The following SORCS3 variants were observed in gnomAD, a reference collection of about 807,000 sequenced individuals.
The protein encoded by SORCS3 is VPS10 domain-containing receptor SorCS3.
Under a neutral mutation model 146.3 loss-of-function variants are expected in SORCS3, and 57 were observed. That is an observed-to-expected ratio of 0.39 (90% confidence interval 0.31 to 0.49). SORCS3 has a LOEUF of 0.49. Ranked by LOEUF, SORCS3 falls within the 20% of genes least tolerant of loss-of-function variation. The pLI is 0.92. For synonymous variants in SORCS3, 653 were observed against 618.5 expected, an observed-to-expected ratio of 1.06 and a Z score of -0.83; for missense variants, 1,341 against 1,575.5, an observed-to-expected ratio of 0.85 and a Z score of 2.52.
At chr10:104,753,424 A>G (rs1466653) in intron 1 of SORCS3, among the ~76,000 whole-genome samples, 123,076 of 152,182 alleles carry the variant, frequency 0.81, 50,188 homozygotes, top group East Asian at 0.94. Flanking sequence ...GAGAATGAAT[A>G]CACTAAAGAC....
intron 17 of SORCS3, among the ~76,000 whole-genome samples, chr10:105,213,782 G>C (rs573532489): frequency 6.6e-6 from 1 of 152,224 alleles, no homozygotes; most frequent in East Asian, 1.9e-4. Context: ...TACATAGTGG[G>C]ATAGTGAGAT....
intron 3 of SORCS3, among the ~76,000 whole-genome samples, chr10:104,949,548 C>A (rs2019407250): frequency 6.6e-6 from 1 of 152,170 alleles, no homozygotes; most frequent in Admixed American, 6.5e-5. Flanking sequence ...CTCTTTGGAA[C>A]CCCTTGTAGC....
Position 105,147,754 on chromosome 10 carries a change from C to G in SORCS3, c.1440C>G (p.Ser480Arg). 6.2e-7 allele frequency: 1 copy of G among 1,612,958 alleles called. No individual in the cohort carries two copies. Among genetic ancestry groups the G allele is most frequent in the Non-Finnish European group, 8.5e-7 (1 of 1,179,238 alleles). ...CTCTGGCCATGGAGAACATCAAGAGCAGCAGAGGTCTAATGGGGAACATCA... is the reference window on the plus strand; with the variant it reads ...CTCTGGCCATGGAGAACATCAAGAGGAGCAGAGGTCTAATGGGGAACATCA... ...YFTLAMENIKSSRGLMGNIII... is the reference protein window; with the variant it reads ...YFTLAMENIKRSRGLMGNIII... Residue 480 changes from serine (S) to arginine (R), a missense_variant, in exon 9 of 27, where the codon AGC becomes AGG. Coordinates refer to ENST00000369701, the MANE Select transcript of SORCS3 (RefSeq NM_014978.3).
chr10:105,048,459 C>T (rs1034321133), intron 5 of SORCS3, among the ~76,000 whole-genome samples: 3 of 149,290 alleles, frequency 2.0e-5, no homozygotes, highest in Non-Finnish European at 4.4e-5. Context: ...ACCGCATGTT[C>T]TCACTCACAG....
chr10:105,133,461 G>A (rs1440420140), intron 7 of SORCS3, among the ~76,000 whole-genome samples: 1 of 152,170 alleles, frequency 6.6e-6, no homozygotes, highest in Non-Finnish European at 1.5e-5. Flanking sequence ...AGATGTAGGC[G>A]AGGGTTAGAA....
At chr10:104,953,190 G>T (rs2019451641) in intron 3 of SORCS3, among the ~76,000 whole-genome samples, 1 of 152,208 alleles carries the variant, frequency 6.6e-6, no homozygotes, top group African/African-American at 2.4e-5. Context: ...TTCTTCTGCA[G>T]TGTTTAACTT....
chr10:104,691,865 T>A (rs533928151), intron 1 of SORCS3, among the ~76,000 whole-genome samples: 102 of 152,254 alleles, frequency 6.7e-4, no homozygotes, highest in Admixed American at 2.4e-3. Context: ...CTCAGCCTCC[T>A]AAGTAGCTAG....
chr10:104,745,239 C>G (rs910706698), intron 1 of SORCS3, among the ~76,000 whole-genome samples: 3 of 152,086 alleles, frequency 2.0e-5, no homozygotes, highest in Non-Finnish European at 4.4e-5. Context: ...TGTGGTTTTC[C>G]TTTCTTAATC....
intron 14 of SORCS3, among the ~76,000 whole-genome samples, chr10:105,198,353 T>A (rs1298465054): frequency 6.6e-6 from 1 of 151,994 alleles, no homozygotes; most frequent in Non-Finnish European, 1.5e-5. Flanking sequence ...GAAGGCTGGA[T>A]AGAGAAAAAA....
chr10:104,941,388 A>G (rs2019318998), intron 3 of SORCS3, among the ~76,000 whole-genome samples: 1 of 152,162 alleles, frequency 6.6e-6, no homozygotes, highest in African/African-American at 2.4e-5. Context: ...AATATAAGGA[A>G]GAATAGAAAA....
intron 4 of SORCS3, 128 bp downstream of exon 4, chr10:104,977,621 A>G (rs1219928472): frequency 1.2e-6 from 1 of 856,018 alleles, no homozygotes; most frequent in Non-Finnish European, 1.7e-6. Context: ...AAATCATTTC[A>G]TCATTGATTT....
At chr10:105,246,120 T>C (rs1354198573) in intron 21 of SORCS3, among the ~76,000 whole-genome samples, 1 of 152,092 alleles carries the variant, frequency 6.6e-6, no homozygotes, top group Non-Finnish European at 1.5e-5. Context: ...TTGAATATCA[T>C]TGGCTGCAAA....
chr10:105,253,005 C>T (rs2056910354), intron 23 of SORCS3, 99 bp downstream of exon 23: 2 of 1,404,604 alleles, frequency 1.4e-6, no homozygotes, highest in Admixed American at 4.6e-5. Flanking sequence ...GGCTCTCTTC[C>T]ATTACCCCAA....
rs150448723 is a variant in SORCS3 at position 105,058,986 on chromosome 10, C to T, written c.1028+15858C>T. On this transcript the variant is annotated intron_variant, in intron 5 of 26. Coordinates refer to ENST00000369701, the MANE Select transcript of SORCS3 (RefSeq NM_014978.3). Reference sequence around the variant, plus strand: ...AAATAAAAAGAAATTTTAAAAATGCCGATAGTTTCTTCGGCCCCACCTGGA... The same window carrying T: ...AAATAAAAAGAAATTTTAAAAATGCTGATAGTTTCTTCGGCCCCACCTGGA... Among the ~76,000 whole-genome samples, 266 of 152,194 alleles carry T rather than the reference C, an allele frequency of 1.7e-3. 1 individual carries two copies. The highest frequency in any genetic ancestry group is 6.0e-3 in the African/African-American group (248 of 41,504).
chr10:104,933,087 C>T (rs2019223670), intron 3 of SORCS3, among the ~76,000 whole-genome samples: 1 of 152,086 alleles, frequency 6.6e-6, no homozygotes, highest in African/African-American at 2.4e-5. Context: ...AAATAGGAAT[C>T]ATAATACTTC....
At chr10:104,872,846 C>G (rs898476634) in intron 2 of SORCS3, among the ~76,000 whole-genome samples, 4 of 152,154 alleles carry the variant, frequency 2.6e-5, no homozygotes, top group Non-Finnish European at 5.9e-5. Context: ...CTGAAAAGCA[C>G]AATATGCTGA....
chr10:105,058,998 C>T (rs548267622), intron 5 of SORCS3, among the ~76,000 whole-genome samples: 22 of 152,256 alleles, frequency 1.4e-4, no homozygotes, highest in Admixed American at 1.1e-3. Context: ...ATAGTTTCTT[C>T]GGCCCCACCT....
intron 6 of SORCS3, among the ~76,000 whole-genome samples, chr10:105,105,002 A>G (rs1433608142): frequency 6.6e-6 from 1 of 152,140 alleles, no homozygotes; most frequent in Non-Finnish European, 1.5e-5. Context: ...GCCTCTGTGG[A>G]AATATGAGTC....
intron 3 of SORCS3, among the ~76,000 whole-genome samples, chr10:104,936,689 A>T (rs1198650451): frequency 2.0e-5 from 3 of 152,236 alleles, no homozygotes; most frequent in Non-Finnish European, 4.4e-5. Context: ...GCAAACAAAG[A>T]CGAATTTAAC....
Sources: allele counts gnomAD v4.1 joint callset (sites outside exome capture counted in the v4.1 genomes callset), GRCh38; gene constraint gnomAD v4.1.1; transcripts MANE v1.5; gene names NCBI Gene and HGNC (gene_info 2026-07-23, HGNC 2026-07-21).